Variants in DTNA observed in about 807,000 individuals in gnomAD.
The protein encoded by DTNA is dystrobrevin alpha.
Under a neutral mutation model 100.7 loss-of-function variants are expected in DTNA, and 43 were observed. That is an observed-to-expected ratio of 0.43 (90% CI 0.33 to 0.55). The LOEUF (loss-of-function observed/expected upper bound fraction) is 0.55, where lower values mean the gene tolerates loss of function less well. Ranked by LOEUF, DTNA falls within the 20% of genes least tolerant of loss-of-function variation. The pLI is 0.04. For missense variants in DTNA, 798 were observed against 953.9 expected, an observed-to-expected ratio of 0.84 and a Z score of 2.15; for synonymous variants, 349 against 347.9, an observed-to-expected ratio of 1.00 and a Z score of -0.04.
intron 1 of DTNA, among the ~76,000 whole-genome samples, chr18:34,675,976 A>C (rs1311518060): frequency 6.6e-6 from 1 of 152,208 alleles, no homozygotes; most frequent in Non-Finnish European, 1.5e-5. Context: ...TAAACAATAG[A>C]GAGTGAGTAC....
chr18:34,695,110 TTC>T (rs1460563261), intron 1 of DTNA, among the ~76,000 whole-genome samples: 2 of 152,146 alleles, frequency 1.3e-5, no homozygotes, highest in African/African-American at 4.8e-5. Flanking sequence ...AACCTTCCCA[TTC>T]TCTCCTGGAT....
chr18:34,675,142 T>C (rs1475192350), intron 1 of DTNA, among the ~76,000 whole-genome samples: 1 of 152,128 alleles, frequency 6.6e-6, no homozygotes, highest in East Asian at 1.9e-4. Context: ...TTTTGGACTA[T>C]TCATTATTTG....
chr18:34,643,502 C>G (rs913167113), intron 1 of DTNA, among the ~76,000 whole-genome samples: 3 of 152,126 alleles, frequency 2.0e-5, no homozygotes, highest in African/African-American at 7.2e-5. Flanking sequence ...CTGATTTTAC[C>G]TTCAATTCCA....
chr18:34,880,027 G>A (rs2096857168), intron 20 of DTNA, among the ~76,000 whole-genome samples: 1 of 152,198 alleles, frequency 6.6e-6, no homozygotes, highest in African/African-American at 2.4e-5. Context: ...ACCCTTTTAG[G>A]ACTCACAGAC....
chr18:34,748,197 C>T (rs1394712555), intron 1 of DTNA, among the ~76,000 whole-genome samples: 2 of 151,152 alleles, frequency 1.3e-5, no homozygotes, highest in East Asian at 2.0e-4. Context: ...CTTGTAGATT[C>T]GGGATATTAA....
chr18:34,716,714 A>G (rs973341859), intron 1 of DTNA, among the ~76,000 whole-genome samples: 1 of 152,240 alleles, frequency 6.6e-6, no homozygotes, highest in Non-Finnish European at 1.5e-5. Flanking sequence ...GAATGCCTGA[A>G]TCATGCTACT....
intron 1 of DTNA, among the ~76,000 whole-genome samples, chr18:34,514,652 C>A (rs2041415428): frequency 3.3e-5 from 5 of 152,016 alleles, no homozygotes; most frequent in Admixed American, 3.3e-4. Context: ...TCTCACAGTT[C>A]TAGAGGCTGG....
intron 17 of DTNA, chr18:34,868,107 T>A: frequency 1.4e-6 from 1 of 699,370 alleles, no homozygotes. Context: ...GTGAATATGC[T>A]AATCTTAAGG....
At chr18:34,833,097 A>G (rs1299652545) in intron 11 of DTNA, among the ~76,000 whole-genome samples, 1 of 152,176 alleles carries the variant, frequency 6.6e-6, no homozygotes, top group Non-Finnish European at 1.5e-5. Flanking sequence ...ATTTGTTTCT[A>G]TAATATTTGT....
intron 14 of DTNA, among the ~76,000 whole-genome samples, chr18:34,851,363 A>G (rs1393502412): frequency 6.6e-6 from 1 of 152,144 alleles, no homozygotes. Context: ...CAGCCTCCCA[A>G]AGTGCTGGGA....
intron 17 of DTNA, chr18:34,867,611 C>A (rs956663190): frequency 4.0e-6 from 4 of 1,011,660 alleles, no homozygotes; most frequent in Non-Finnish European, 4.7e-6. Flanking sequence ...ATTATAACCT[C>A]CCTCCTCCTA....
intron 1 of DTNA, among the ~76,000 whole-genome samples, chr18:34,584,580 G>A (rs144100085): frequency 5.8e-4 from 88 of 152,238 alleles, no homozygotes; most frequent in African/African-American, 1.9e-3. Flanking sequence ...AGATAATAAC[G>A]TTAGAGTTTG....
At chr18:34,587,086 C>A (rs866227858) in intron 1 of DTNA, among the ~76,000 whole-genome samples, 1 of 152,008 alleles carries the variant, frequency 6.6e-6, no homozygotes, top group Admixed American at 6.6e-5. Flanking sequence ...TCTCAGCCCC[C>A]CTACTTGGGA....
chr18:34,639,007 A>G (rs748641449), intron 1 of DTNA, among the ~76,000 whole-genome samples: 2 of 151,968 alleles, frequency 1.3e-5, no homozygotes, highest in Non-Finnish European at 2.9e-5. Context: ...ATGTCCGGCT[A>G]ATTTTGTATT....
chr18:34,834,233 C>T (rs1036528187), intron 11 of DTNA, among the ~76,000 whole-genome samples: 1 of 152,042 alleles, frequency 6.6e-6, no homozygotes, highest in Admixed American at 6.6e-5. Flanking sequence ...CGGTGGCTCA[C>T]GCTTGTAATT....
chr18:34,581,710 TC>T (rs905719952), intron 1 of DTNA, among the ~76,000 whole-genome samples: 39 of 143,152 alleles, frequency 2.7e-4, no homozygotes, highest in African/African-American at 9.8e-4. Flanking sequence ...ACCCTCCACC[TC>T]CTGGCTTCAA....
At chr18:34,769,700 G>A (rs1030275514) in intron 3 of DTNA, among the ~76,000 whole-genome samples, 2 of 141,848 alleles carry the variant, frequency 1.4e-5, no homozygotes, top group South Asian at 4.7e-4. Flanking sequence ...TCTCATGGTG[G>A]AAGAAGCAAG....
intron 1 of DTNA, among the ~76,000 whole-genome samples, chr18:34,646,493 G>C (rs1230124193): frequency 6.6e-6 from 1 of 152,116 alleles, no homozygotes; most frequent in Non-Finnish European, 1.5e-5. Context: ...GAATTTACCA[G>C]AGTAATAATC....
chr18:34,719,923 T>C (rs1316814332), intron 1 of DTNA, among the ~76,000 whole-genome samples: 7 of 152,218 alleles, frequency 4.6e-5, no homozygotes, highest in African/African-American at 1.7e-4. Context: ...GCTCTGACCT[T>C]CTGACAGAGA....
Sources: allele counts gnomAD v4.1 joint callset (sites outside exome capture counted in the v4.1 genomes callset), GRCh38; gene constraint gnomAD v4.1.1; transcripts MANE v1.5; gene names NCBI Gene and HGNC (gene_info 2026-07-23, HGNC 2026-07-21).